Variants in SMIM47 observed in about 807,000 individuals in gnomAD.
The protein encoded by SMIM47 is CTD-2568A17.1.
the SMIM47 span, chr19:50,785,867 A>G: frequency 2.5e-6 from 1 of 398,688 alleles, no homozygotes; most frequent in Non-Finnish European, 4.4e-6. Flanking sequence ...GTGGGAGAGA[A>G]AGAGAGACCA....
chr19:50,786,080 C>A, the SMIM47 span: 1 of 399,274 alleles, frequency 2.5e-6, no homozygotes, highest in Non-Finnish European at 4.4e-6. Context: ...CCTGCCAGAC[C>A]CCTCCTCACT....
the SMIM47 span, chr19:50,786,043 C>T: frequency 1.8e-3 from 729 of 399,136 alleles, 5 homozygotes; most frequent in East Asian, 0.025. Context: ...CCCTCCCTGC[C>T]CTCTGCCCAG....
chr19:50,786,123 A>G, the SMIM47 span: 2 of 398,292 alleles, frequency 5.0e-6, no homozygotes, highest in South Asian at 1.3e-4. Context: ...GACTCCAGCC[A>G]CCCCTTGGTT....
chr19:50,785,771 G>T, the SMIM47 span: 1 of 398,620 alleles, frequency 2.5e-6, no homozygotes, highest in South Asian at 1.3e-4. Context: ...CGATGGCAGA[G>T]GGAGAGGCAG....
the SMIM47 span, chr19:50,785,825 TGA>T: frequency 5.6e-4 from 222 of 398,582 alleles, 1 homozygote; most frequent in African/African-American, 4.3e-3. Context: ...CTGCTGAGCC[TGA>T]GAGAGGAAAA....
the SMIM47 span, chr19:50,785,828 G>C: frequency 2.1e-4 from 85 of 398,262 alleles, no homozygotes; most frequent in Non-Finnish European, 3.3e-4. Flanking sequence ...CTGAGCCTGA[G>C]AGAGGAAAAC....
the SMIM47 span, chr19:50,785,747 A>G: frequency 2.5e-6 from 1 of 398,132 alleles, no homozygotes; most frequent in Non-Finnish European, 4.4e-6. Flanking sequence ...AGTTACATTT[A>G]TCTGGCCTCA....
chr19:50,785,930 TCTC>T, the SMIM47 span: 99 of 399,064 alleles, frequency 2.5e-4, no homozygotes, highest in Non-Finnish European at 3.7e-4. Context: ...CCTCCGCTCT[TCTC>T]CCGCTCACCT....
the SMIM47 span, chr19:50,785,746 T>C: frequency 2.5e-6 from 1 of 398,148 alleles, no homozygotes; most frequent in Non-Finnish European, 4.4e-6. Flanking sequence ...CAGTTACATT[T>C]ATCTGGCCTC....
the SMIM47 span, chr19:50,786,003 T>TG: frequency 1.5e-5 from 6 of 398,832 alleles, no homozygotes; most frequent in South Asian, 1.3e-4. Context: ...GGTCACATTC[T>TG]GGGGGGGAGA....
chr19:50,785,936 G>A, the SMIM47 span: 1 of 399,118 alleles, frequency 2.5e-6, no homozygotes, highest in Non-Finnish European at 4.4e-6. Flanking sequence ...CTCTTCTCCC[G>A]CTCACCTTGT....
At chr19:50,785,899 GA>G in the SMIM47 span, 9 of 398,964 alleles carry the variant, frequency 2.3e-5, no homozygotes, top group Admixed American at 3.1e-4. Flanking sequence ...CTGGACCAGG[GA>G]GACAGAGACT....
At chr19:50,785,924 C>T in the SMIM47 span, 45 of 399,098 alleles carry the variant, frequency 1.1e-4, no homozygotes, top group African/African-American at 3.9e-4. Flanking sequence ...CCCCCACCTC[C>T]GCTCTTCTCC....
At chr19:50,786,068 T>C in the SMIM47 span, 5 of 399,086 alleles carry the variant, frequency 1.3e-5, no homozygotes, top group South Asian at 1.3e-4. Flanking sequence ...AGGCCTCCCT[T>C]CCCTGCCAGA....
At chr19:50,786,041 GC>G in the SMIM47 span, 1 of 398,998 alleles carries the variant, frequency 2.5e-6, no homozygotes. Flanking sequence ...TCCCCTCCCT[GC>G]CCTCTGCCCA....
chr19:50,785,994 G>T, the SMIM47 span: 2 of 398,770 alleles, frequency 5.0e-6, no homozygotes, highest in Non-Finnish European at 8.8e-6. Context: ...CATGGCCAGG[G>T]TCACATTCTG....
chr19:50,786,065 C>G, the SMIM47 span: 11 of 399,324 alleles, frequency 2.8e-5, no homozygotes, highest in African/African-American at 2.1e-4. Context: ...CCCAGGCCTC[C>G]CTTCCCTGCC....
At chr19:50,785,890 T>A in the SMIM47 span, 1 of 398,984 alleles carries the variant, frequency 2.5e-6, no homozygotes, top group Non-Finnish European at 4.4e-6. Flanking sequence ...ATGACAGAAC[T>A]GGACCAGGGA....
At chr19:50,786,006 G>C in the SMIM47 span, 39,913 of 398,696 alleles carry the variant, frequency 0.1, 2,121 homozygotes, top group Middle Eastern at 0.13. Context: ...CACATTCTGG[G>C]GGGGAGATCA....
Sources: gnomAD v4.1 joint callset for allele counts on GRCh38, gnomAD v4.1.1 for gene constraint, MANE v1.5 for transcripts, NCBI Gene and HGNC (gene_info 2026-07-23, HGNC 2026-07-21) for gene names.